TRMT11: variants seen among roughly 807,000 people sequenced by gnomAD.
The protein encoded by TRMT11 is tRNA methyltransferase 11.
Under a neutral mutation model 62.8 loss-of-function variants are expected in TRMT11, and 53 were observed. The ratio of observed to expected loss-of-function variants is 0.84; its 90% CI spans 0.68 to 1.06. TRMT11 has a LOEUF of 1.06. Ranked by LOEUF, TRMT11 falls within the 50% of genes least tolerant of loss-of-function variation. The pLI is 0.00. For missense variants in TRMT11, 556 were observed against 553.4 expected (o/e 1.00, Z -0.05); for synonymous variants, 188 against 190.3 (o/e 0.99, Z 0.10).
intron 7 of TRMT11, among the ~76,000 whole-genome samples, chr6:126,004,616 A>G (rs991421478): frequency 6.6e-6 from 1 of 151,958 alleles, no homozygotes; most frequent in African/African-American, 2.4e-5. Context: ...GTCCTTCTCC[A>G]TGGCCATAGT....
At chr6:126,156,707 A>G (rs1230611625) in intron 21 of TRMT11, among the ~76,000 whole-genome samples, 2 of 152,150 alleles carry the variant, frequency 1.3e-5, no homozygotes, top group African/African-American at 2.4e-5. Flanking sequence ...TCACATGACC[A>G]TAGTGGGAGC....
chr6:126,200,646 T>C (rs2128252501), intron 3 of TRMT11, among the ~76,000 whole-genome samples: 1 of 152,210 alleles, frequency 6.6e-6, no homozygotes, highest in African/African-American at 2.4e-5. Context: ...GCTCCGCCTC[T>C]TGGGTTCACG....
intron 17 of TRMT11, among the ~76,000 whole-genome samples, chr6:126,103,992 A>T (rs1439655536): frequency 1.3e-5 from 2 of 152,230 alleles, no homozygotes; most frequent in Non-Finnish European, 2.9e-5. Context: ...CAGAAATGAA[A>T]GAAGCAAGAA....
At chr6:126,240,590 C>T in the TRMT11 span, among the ~76,000 whole-genome samples, 5 of 152,110 alleles carry the variant, frequency 3.3e-5, no homozygotes, top group African/African-American at 1.2e-4. Context: ...AGAGGAGTAC[C>T]CGGCCGTGTG....
At chr6:126,140,743 A>G (rs1220562189) in intron 21 of TRMT11, among the ~76,000 whole-genome samples, 2 of 152,234 alleles carry the variant, frequency 1.3e-5, no homozygotes, top group South Asian at 2.1e-4. Flanking sequence ...TTCCACCAAC[A>G]AAACAACCTA....
chr6:126,029,153 T>TA (rs1487181157), intron 12 of TRMT11, among the ~76,000 whole-genome samples: 1 of 152,196 alleles, frequency 6.6e-6, no homozygotes, highest in African/African-American at 2.4e-5. Flanking sequence ...TTATTTAACT[T>TA]AGAGTTATCT....
chr6:126,027,398 A>C (rs1449164555), intron 12 of TRMT11, among the ~76,000 whole-genome samples: 19 of 152,186 alleles, frequency 1.2e-4, no homozygotes, highest in Admixed American at 1.2e-3. Flanking sequence ...CTTTTCAAAA[A>C]ATTCATGCAA....
intron 21 of TRMT11, among the ~76,000 whole-genome samples, chr6:126,139,327 T>G (rs1259361229): frequency 6.6e-6 from 1 of 152,052 alleles, no homozygotes; most frequent in Middle Eastern, 3.2e-3. Context: ...TAATTTGATG[T>G]ATATCTTTTC....
chr6:126,237,937 T>C, the TRMT11 span, among the ~76,000 whole-genome samples: 1 of 152,182 alleles, frequency 6.6e-6, no homozygotes, highest in Non-Finnish European at 1.5e-5. Flanking sequence ...GGTTTAGTCT[T>C]GGGAGGGTGT....
chr6:126,253,929 T>G, the TRMT11 span, among the ~76,000 whole-genome samples: 1 of 152,164 alleles, frequency 6.6e-6, no homozygotes, highest in Non-Finnish European at 1.5e-5. Context: ...CATAGACTGG[T>G]CAACTATTTC....
intron 17 of TRMT11, among the ~76,000 whole-genome samples, chr6:126,070,184 C>T (rs1337917598): frequency 1.3e-5 from 2 of 152,118 alleles, no homozygotes; most frequent in Non-Finnish European, 2.9e-5. Flanking sequence ...CATCAGAGAA[C>T]CAAGGAATTT....
chr6:126,012,471 C>CCTCTAGGGAGAT (rs1341371742), intron 9 of TRMT11, among the ~76,000 whole-genome samples: 2 of 152,098 alleles, frequency 1.3e-5, no homozygotes, highest in African/African-American at 4.8e-5. Flanking sequence ...ATATATTCTC[C>CCTCTAGGGAGAT]CTCTAGGACA....
At chr6:126,021,985 C>T (rs1485028218) in intron 12 of TRMT11, among the ~76,000 whole-genome samples, 1 of 151,994 alleles carries the variant, frequency 6.6e-6, no homozygotes, top group Non-Finnish European at 1.5e-5. Flanking sequence ...TGGATGACCC[C>T]CATTCTTGCT....
the TRMT11 span, among the ~76,000 whole-genome samples, chr6:126,239,432 G>C: frequency 2.0e-5 from 3 of 152,086 alleles, no homozygotes; most frequent in Non-Finnish European, 4.4e-5. Flanking sequence ...GCATTTGCTT[G>C]TCTATAAAGT....
At chr6:125,989,818 G>A (rs2128730370) in intron 1 of TRMT11, among the ~76,000 whole-genome samples, 1 of 152,194 alleles carries the variant, frequency 6.6e-6, no homozygotes, top group East Asian at 1.9e-4. Flanking sequence ...TCTTTCCTTT[G>A]TGCTTTCACT....
At chr6:126,111,479 T>C (rs1777530862) in intron 17 of TRMT11, among the ~76,000 whole-genome samples, 1 of 152,108 alleles carries the variant, frequency 6.6e-6, no homozygotes, top group African/African-American at 2.4e-5. Flanking sequence ...CAGCATGTTA[T>C]TTATGGAAAC....
intron 7 of TRMT11, 86 bp downstream of exon 7, chr6:125,999,699 T>A: frequency 8.3e-7 from 1 of 1,208,742 alleles, no homozygotes; most frequent in Non-Finnish European, 1.2e-6. Context: ...GCTAAAAGAG[T>A]AAATGGATAA....
chr6:126,093,617 A>ATTTTT (rs1777304105), intron 17 of TRMT11, among the ~76,000 whole-genome samples: 1 of 88,910 alleles, frequency 1.1e-5, no homozygotes, highest in African/African-American at 9.2e-5. Context: ...ATATATATAT[A>ATTTTT]TATATATATA....
At chr6:126,004,087 T>C (rs555517205) in intron 7 of TRMT11, among the ~76,000 whole-genome samples, 1 of 152,202 alleles carries the variant, frequency 6.6e-6, no homozygotes, top group East Asian at 1.9e-4. Context: ...TTTTTGTCAA[T>C]TGAGAATAAT....
Sources: allele counts gnomAD v4.1 joint callset (sites outside exome capture counted in the v4.1 genomes callset), GRCh38; gene constraint gnomAD v4.1.1; transcripts MANE v1.5; gene names NCBI Gene and HGNC (gene_info 2026-07-23, HGNC 2026-07-21).